ROBO1: variants seen among roughly 807,000 people sequenced by gnomAD.
ROBO1 encodes roundabout homolog 1.
Under a neutral mutation model 195.9 loss-of-function variants are expected in ROBO1, and 149 were observed. The ratio of observed to expected loss-of-function variants is 0.76; its 90% CI spans 0.67 to 0.87. ROBO1 has a LOEUF of 0.87. Among genes scored for constraint, ROBO1 ranks in the 40% least tolerant of loss-of-function variants. The pLI is 0.00. For synonymous variants in ROBO1, 816 were observed against 733.2 expected (o/e 1.11, Z -1.82); for missense variants, 1,933 against 2,068.3 (o/e 0.93, Z 1.27).
intron 2 of ROBO1, among the ~76,000 whole-genome samples, chr3:79,412,077 G>C (rs778092194): frequency 1.3e-5 from 2 of 152,078 alleles, no homozygotes; most frequent in Non-Finnish European, 2.9e-5. Flanking sequence ...AGACGAACCT[G>C]AAGGCTCTTA....
intron 3 of ROBO1, among the ~76,000 whole-genome samples, chr3:79,047,407 G>T (rs763428394): frequency 6.6e-6 from 1 of 152,044 alleles, no homozygotes; most frequent in Admixed American, 6.6e-5. Context: ...AAAATGCTCA[G>T]CTTCTACAGA....
chr3:79,670,610 A>G (rs1445726532), intron 1 of ROBO1, among the ~76,000 whole-genome samples: 2 of 151,870 alleles, frequency 1.3e-5, no homozygotes, highest in African/African-American at 4.8e-5. Flanking sequence ...ATTATTTGAA[A>G]AAAGCACATT....
At chr3:78,608,918 A>G (rs1478837830) in intron 28 of ROBO1, among the ~76,000 whole-genome samples, 1 of 152,176 alleles carries the variant, frequency 6.6e-6, no homozygotes, top group African/African-American at 2.4e-5. Flanking sequence ...GGAAGACTGT[A>G]AGTTCAGTTT....
At chr3:79,463,149 G>A (rs971406651) in intron 2 of ROBO1, among the ~76,000 whole-genome samples, 3 of 152,012 alleles carry the variant, frequency 2.0e-5, no homozygotes, top group Non-Finnish European at 2.9e-5. Flanking sequence ...TGAGGTGGGC[G>A]GATTGCGAGG....
intron 2 of ROBO1, among the ~76,000 whole-genome samples, chr3:79,137,269 G>T (rs1046722785): frequency 1.3e-5 from 2 of 151,924 alleles, no homozygotes; most frequent in Admixed American, 6.6e-5. Flanking sequence ...TCTTCCAATA[G>T]TTTTGGGAAA....
intron 11 of ROBO1, among the ~76,000 whole-genome samples, chr3:78,669,423 A>G (rs1312386570): frequency 6.6e-6 from 1 of 152,222 alleles, no homozygotes; most frequent in Non-Finnish European, 1.5e-5. Context: ...AAAGCAACTG[A>G]AATTCATGTT....
At chr3:78,676,426 A>T (rs1405819574) in intron 10 of ROBO1, among the ~76,000 whole-genome samples, 3 of 152,264 alleles carry the variant, frequency 2.0e-5, no homozygotes, top group East Asian at 3.9e-4. Flanking sequence ...TAAAAACTTT[A>T]AAAAAATTTA....
intron 2 of ROBO1, among the ~76,000 whole-genome samples, chr3:79,502,946 A>G (rs923038825): frequency 5.3e-5 from 8 of 152,014 alleles, no homozygotes; most frequent in Admixed American, 1.3e-4. Context: ...TGTAAAATGG[A>G]CCAATCAGCT....
intron 2 of ROBO1, among the ~76,000 whole-genome samples, chr3:79,431,950 T>C (rs1464346022): frequency 6.6e-6 from 1 of 152,028 alleles, no homozygotes; most frequent in Non-Finnish European, 1.5e-5. Flanking sequence ...AAAGGTGCCA[T>C]TTTTGAATAA....
At chr3:79,211,997 A>T (rs926874256) in intron 2 of ROBO1, among the ~76,000 whole-genome samples, 7 of 152,314 alleles carry the variant, frequency 4.6e-5, no homozygotes, top group South Asian at 2.1e-4. Flanking sequence ...AGTATTCCTT[A>T]CGGGAAACAA....
chr3:78,955,259 C>T (rs1159545348), intron 3 of ROBO1, among the ~76,000 whole-genome samples: 3 of 147,982 alleles, frequency 2.0e-5, no homozygotes, highest in South Asian at 2.2e-4. Context: ...GGGGGTTATA[C>T]AGGTAAACTG....
intron 23 of ROBO1, chr3:78,634,475 G>A (rs1311505524): frequency 3.5e-5 from 12 of 344,100 alleles, no homozygotes; most frequent in South Asian, 1.6e-4. Context: ...CTGGAATGTA[G>A]TCAGTAATAA....
rs2035467746 is a variant in ROBO1 at position 79,354,485 on chromosome 3, G to A, written c.89-228946C>T. Among the ~76,000 whole-genome samples the A allele has an allele frequency of 2.6e-5, 4 of 152,066 alleles. No homozygotes were observed. In the South Asian group the frequency reaches 8.3e-4, roughly 31 times the overall value. The stretch of plus-strand genomic sequence containing the variant: ...GTATCCCTATCATTCCACTGGAACT[G>A]CCTAGGAGAATTTCAACCCTGTGTC... On this transcript the variant is annotated intron_variant, in intron 2 of 30. Transcript: ENST00000464233.
intron 3 of ROBO1, among the ~76,000 whole-genome samples, chr3:79,099,841 T>C (rs1479587613): frequency 6.6e-6 from 1 of 151,716 alleles, no homozygotes; most frequent in Admixed American, 6.6e-5. Flanking sequence ...AAAAGATCTT[T>C]TTAACTGGGT....
intron 2 of ROBO1, among the ~76,000 whole-genome samples, chr3:79,358,064 G>C (rs2035626163): frequency 6.6e-6 from 1 of 152,066 alleles, no homozygotes; most frequent in Admixed American, 6.6e-5. Context: ...GATCTCTGGA[G>C]CTGACTTTCT....
At chr3:79,516,947 G>A (rs1007970918) in intron 2 of ROBO1, among the ~76,000 whole-genome samples, 5 of 152,162 alleles carry the variant, frequency 3.3e-5, no homozygotes, top group Admixed American at 1.3e-4. Context: ...GCACATGAGA[G>A]TAGGTGTTCC....
chr3:78,639,931 A>T, intron 21 of ROBO1, 33 bp from the exon 22 acceptor site: 1 of 1,470,704 alleles, frequency 6.8e-7, no homozygotes. Flanking sequence ...AGCAAATGTT[A>T]TATGAATAGA....
At position 79,045,053 on chromosome 3, in the gene ROBO1, G is replaced by A. The variant is rs538852816; in HGVS notation, c.172+80403C>T. Among the ~76,000 whole-genome samples the A allele has an allele frequency of 1.5e-3, 225 of 152,000 alleles. 1 individual carries two copies. The highest frequency in any genetic ancestry group is 4.6e-3 in the African/African-American group (193 of 41,506). On this transcript the variant is annotated intron_variant, in intron 3 of 30. Coordinates refer to ENST00000464233, the MANE Select transcript of ROBO1 (RefSeq NM_002941.4). ...TGATAGGAATTGGGCTGTCAGCAAA[G>A]AATAGTTCTTTGAAAGACCATGAAG...
chr3:78,955,655 T>A (rs2041012512), intron 3 of ROBO1, among the ~76,000 whole-genome samples: 1 of 152,146 alleles, frequency 6.6e-6, no homozygotes, highest in African/African-American at 2.4e-5. Context: ...GCTTTCAACT[T>A]TTTGCATTAG....
Sources: gnomAD v4.1 joint callset for allele counts (sites outside exome capture counted in the v4.1 genomes callset) on GRCh38, gnomAD v4.1.1 for gene constraint, MANE v1.5 for transcripts, NCBI Gene and HGNC (gene_info 2026-07-23, HGNC 2026-07-21) for gene names.